Variants in MAN1A1 observed in about 807,000 individuals in gnomAD.
MAN1A1 encodes the protein mannosyl-oligosaccharide 1,2-alpha-mannosidase IA.
A neutral mutation model predicts 70.8 loss-of-function variants in MAN1A1; 29 were observed. The ratio of observed to expected loss-of-function variants is 0.41; its 90% CI spans 0.31 to 0.56. The LOEUF (loss-of-function observed/expected upper bound fraction) is 0.56. Among genes scored for constraint, MAN1A1 ranks in the 20% least tolerant of loss-of-function variants. MAN1A1 has a pLI of 0.29. For synonymous variants in MAN1A1, 349 were observed against 330.1 expected, an observed-to-expected ratio of 1.06 and a Z score of -0.62; for missense variants, 747 against 841.3, an observed-to-expected ratio of 0.89 and a Z score of 1.39.
chr6:119,258,820 A>G (rs1055510535), intron 5 of MAN1A1, among the ~76,000 whole-genome samples: 1 of 152,110 alleles, frequency 6.6e-6, no homozygotes, highest in Non-Finnish European at 1.5e-5. Context: ...ACTCAGCATC[A>G]CCATCATATG....
chr6:119,301,624 GAC>G (rs1404678534), intron 4 of MAN1A1, among the ~76,000 whole-genome samples: 1 of 152,190 alleles, frequency 6.6e-6, no homozygotes, highest in East Asian at 1.9e-4. Flanking sequence ...CACAGCTCTT[GAC>G]ACACAACCAG....
intron 2 of MAN1A1, among the ~76,000 whole-genome samples, chr6:119,334,347 C>G (rs931638508): frequency 6.6e-6 from 1 of 152,112 alleles, no homozygotes; most frequent in South Asian, 2.1e-4. Context: ...TTAAACAATT[C>G]CTGCCTTGAA....
chr6:119,261,703 A>G (rs1052087862), intron 5 of MAN1A1, among the ~76,000 whole-genome samples: 3 of 152,208 alleles, frequency 2.0e-5, no homozygotes, highest in African/African-American at 7.2e-5. Flanking sequence ...AACTGTAAAG[A>G]AAGTTCATGG....
chr6:119,180,851 A>G (rs1359946900), intron 11 of MAN1A1, among the ~76,000 whole-genome samples: 1 of 152,116 alleles, frequency 6.6e-6, no homozygotes, highest in African/African-American at 2.4e-5. Flanking sequence ...AAATTAAATG[A>G]AAGTTTGTTA....
At chr6:119,338,651 G>A (rs915789114) in intron 2 of MAN1A1, among the ~76,000 whole-genome samples, 1 of 152,156 alleles carries the variant, frequency 6.6e-6, no homozygotes, top group Non-Finnish European at 1.5e-5. Context: ...CATTCCAAAA[G>A]GAGAAAGATC....
intron 3 of MAN1A1, among the ~76,000 whole-genome samples, chr6:119,306,656 C>A (rs1377647303): frequency 6.6e-6 from 1 of 152,116 alleles, no homozygotes; most frequent in Non-Finnish European, 1.5e-5. Context: ...TAGAAGTATG[C>A]CCCAGGCGTC....
At chr6:119,333,528 G>C (rs919979787) in intron 2 of MAN1A1, among the ~76,000 whole-genome samples, 1 of 152,160 alleles carries the variant, frequency 6.6e-6, no homozygotes, top group African/African-American at 2.4e-5. Flanking sequence ...ACTGAAGGAT[G>C]GAAGATGATT....
At chr6:119,288,297 T>C (rs1312345391) in intron 5 of MAN1A1, among the ~76,000 whole-genome samples, 1 of 151,972 alleles carries the variant, frequency 6.6e-6, no homozygotes, top group Non-Finnish European at 1.5e-5. Context: ...TAAATTATGG[T>C]GGTTTAAAAG....
intron 2 of MAN1A1, among the ~76,000 whole-genome samples, chr6:119,344,329 A>G (rs1317196287): frequency 6.6e-6 from 1 of 152,196 alleles, no homozygotes; most frequent in Admixed American, 6.5e-5. Flanking sequence ...ATAATTAACT[A>G]CCCATTACTG....
At chr6:119,268,232 T>C (rs1274610682) in intron 5 of MAN1A1, among the ~76,000 whole-genome samples, 1 of 152,208 alleles carries the variant, frequency 6.6e-6, no homozygotes, top group Non-Finnish European at 1.5e-5. Flanking sequence ...ATATAGTTCA[T>C]ACAGGAGGGG....
intron 5 of MAN1A1, among the ~76,000 whole-genome samples, chr6:119,272,932 T>C (rs561325416): frequency 6.6e-6 from 1 of 152,182 alleles, no homozygotes; most frequent in Non-Finnish European, 1.5e-5. Context: ...CTAATAGATG[T>C]TGTTGTAAAT....
chr6:119,203,020 G>C (rs180922111), intron 7 of MAN1A1, among the ~76,000 whole-genome samples: 53 of 152,212 alleles, frequency 3.5e-4, no homozygotes, highest in Admixed American at 3.1e-3. Flanking sequence ...CTCCCTCAGA[G>C]CACAAAGAAG....
At chr6:119,183,651 G>A (rs1773211260) in intron 11 of MAN1A1, among the ~76,000 whole-genome samples, 1 of 152,158 alleles carries the variant, frequency 6.6e-6, no homozygotes, top group Non-Finnish European at 1.5e-5. Context: ...CCTCTCCATG[G>A]AAACTGCTCT....
At chr6:119,311,875 C>G (rs949064085) in intron 2 of MAN1A1, among the ~76,000 whole-genome samples, 1 of 152,084 alleles carries the variant, frequency 6.6e-6, no homozygotes, top group African/African-American at 2.4e-5. Flanking sequence ...TTTCACAGAA[C>G]GTGTAAGGCA....
At chr6:119,192,381 A>C (rs1773464923) in intron 9 of MAN1A1, among the ~76,000 whole-genome samples, 1 of 152,202 alleles carries the variant, frequency 6.6e-6, no homozygotes, top group South Asian at 2.1e-4. Context: ...GCCTTTATAA[A>C]GGCTGTGCCA....
At chr6:119,262,746 C>T (rs1775644169) in intron 5 of MAN1A1, among the ~76,000 whole-genome samples, 1 of 152,040 alleles carries the variant, frequency 6.6e-6, no homozygotes, top group African/African-American at 2.4e-5. Context: ...CAGCAGTAGA[C>T]TAGATAAAGA....
At chr6:119,237,122 G>A (rs898602357) in intron 6 of MAN1A1, among the ~76,000 whole-genome samples, 1 of 152,196 alleles carries the variant, frequency 6.6e-6, no homozygotes, top group East Asian at 1.9e-4. Flanking sequence ...TTATGGAGGA[G>A]TAAAGAAAAT....
intron 11 of MAN1A1, among the ~76,000 whole-genome samples, chr6:119,186,172 G>A (rs571313989): frequency 2.0e-4 from 30 of 152,178 alleles, no homozygotes; most frequent in African/African-American, 7.2e-4. Flanking sequence ...ATTACCAATT[G>A]GAATGAGTTA....
chr6:119,235,940 C>A (rs1285656309), intron 6 of MAN1A1, among the ~76,000 whole-genome samples: 2 of 151,922 alleles, frequency 1.3e-5, no homozygotes, highest in Non-Finnish European at 2.9e-5. Flanking sequence ...GAGTTTGAGA[C>A]CAGCCTGGCC....
Sources: allele counts gnomAD v4.1 joint callset (sites outside exome capture counted in the v4.1 genomes callset), GRCh38; gene constraint gnomAD v4.1.1; transcripts MANE v1.5; gene names NCBI Gene and HGNC (gene_info 2026-07-23, HGNC 2026-07-21).